Variants in ITIH5 observed in about 807,000 individuals in gnomAD.
ITIH5 encodes the protein inter-alpha-trypsin inhibitor heavy chain 5.
Under a neutral mutation model 77.5 loss-of-function variants are expected in ITIH5, and 65 were observed. The ratio of observed to expected loss-of-function variants is 0.84; its 90% CI spans 0.69 to 1.03. The LOEUF is 1.03. Among genes scored for constraint, ITIH5 ranks in the 50% least tolerant of loss-of-function variants. The pLI is 0.00. For missense variants in ITIH5, 1,208 were observed against 1,213.1 expected (o/e 1.00, Z 0.06); for synonymous variants, 525 against 494.3 (o/e 1.06, Z -0.82).
chr10:7,606,779 T>G (rs1833134296), intron 7 of ITIH5, among the ~76,000 whole-genome samples: 1 of 152,196 alleles, frequency 6.6e-6, no homozygotes, highest in African/African-American at 2.4e-5. Flanking sequence ...TCATTTTACC[T>G]CTAAGATATA....
At chr10:7,602,397 C>T (rs1405188089) in intron 7 of ITIH5, among the ~76,000 whole-genome samples, 1 of 152,210 alleles carries the variant, frequency 6.6e-6, no homozygotes, top group Non-Finnish European at 1.5e-5. Flanking sequence ...TTTTAATCCC[C>T]ATAATCCCTA....
In ITIH5 at chr10:7,666,819, C is replaced by G; in HGVS notation, c.74G>C (p.Gly25Ala). The G allele has an allele frequency of 3.1e-6, 5 of 1,608,444 alleles. No individual in the cohort carries two copies. Among genetic ancestry groups the G allele is most frequent in the Non-Finnish European group, 4.2e-6 (5 of 1,177,996 alleles). The change falls in exon 1 of 14, where the codon GGC (glycine) becomes GCC (alanine). Residue 25 changes from glycine to alanine, a missense_variant. Coordinates refer to ENST00000397146, the MANE Select transcript of ITIH5 (RefSeq NM_030569.7). ...VGSQEEAQSW[G>A]HSSEQDGLRV... ...TCCACTTACCTGCTCCGAAGAGTGGCCCCAGCTCTGCGCCTCTTCCTGCGA... is the reference window on the plus strand; with the variant it reads ...TCCACTTACCTGCTCCGAAGAGTGGGCCCAGCTCTGCGCCTCTTCCTGCGA...
intron 9 of ITIH5, 87 bp from the exon 10 acceptor site, chr10:7,577,099 AG>A (rs1264138624): frequency 7.0e-6 from 8 of 1,135,580 alleles, no homozygotes; most frequent in East Asian, 2.4e-5. Flanking sequence ...GCAGACTCTC[AG>A]GGGGATGCAT....
chr10:7,638,666 CAAGA>C (rs1221253849), intron 4 of ITIH5, among the ~76,000 whole-genome samples: 1 of 151,880 alleles, frequency 6.6e-6, no homozygotes, highest in East Asian at 1.9e-4. Flanking sequence ...AGGTGAAAGC[CAAGA>C]AAGAGGAAAA....
chr10:7,560,524 T>TTAC lies in ITIH5; in HGVS notation c.*2558_*2559insGTA, dbSNP rs988534308. 4 of 152,156 alleles carry TTAC rather than the reference T, an allele frequency of 2.6e-5. No homozygotes were observed. Among genetic ancestry groups the TTAC allele is most frequent in the African/African-American group, 9.7e-5 (4 of 41,416 alleles). The allele number at this position is 152,156 out of a possible 1,614,324, so 9.4% of individuals were successfully genotyped here. ...AACATCCCCTCCCTTTAGCCTGAAGTTGTAAAGCATTAAAAAGTCAAATGG... is the reference window on the plus strand; with the variant it reads ...AACATCCCCTCCCTTTAGCCTGAAGTTACTGTAAAGCATTAAAAAGTCAAATGG... On this transcript the variant is annotated 3_prime_UTR_variant, in exon 14 of 14. Transcript: ENST00000397146.
At chr10:7,658,088 A>G (rs145297872) in intron 1 of ITIH5, among the ~76,000 whole-genome samples, 8 of 152,248 alleles carry the variant, frequency 5.3e-5, no homozygotes, top group South Asian at 4.1e-4. Flanking sequence ...GTAACAAAAC[A>G]CTATATGTAA....
chr10:7,573,057 C>T lies in ITIH5; in HGVS notation c.2032+85G>A, dbSNP rs1309653086. 1.4e-5 allele frequency: 18 copies of T among 1,281,912 alleles called. No individual in the cohort carries two copies. In the East Asian group the frequency reaches 3.0e-4, roughly 22 times the overall value. 79.4% of individuals were successfully genotyped at this position (1,281,912 alleles called of 1,614,324 possible). ...CCTCCCAAAGTGCTGGGATTACAGG[C>T]GTGAGCCAGTACACCTGGCCTGGTT... On this transcript the variant is annotated intron_variant, in intron 11 of 13. Transcript: ENST00000397146.
chr10:7,586,155 G>C (rs1161084994), intron 7 of ITIH5, 86 bp from the exon 8 acceptor site: 2 of 1,230,348 alleles, frequency 1.6e-6, no homozygotes, highest in Non-Finnish European at 1.1e-6. Context: ...CCGCCCCCCA[G>C]GAAAAATGTC....
intron 8 of ITIH5, among the ~76,000 whole-genome samples, chr10:7,581,303 T>C (rs570423287): frequency 1.3e-5 from 2 of 151,736 alleles, no homozygotes; most frequent in South Asian, 4.2e-4. Flanking sequence ...ATAAATAAAA[T>C]AAAGTTGGGG....
At chr10:7,665,795 T>C (rs1032235678) in intron 1 of ITIH5, among the ~76,000 whole-genome samples, 2 of 152,208 alleles carry the variant, frequency 1.3e-5, no homozygotes, top group Non-Finnish European at 2.9e-5. Context: ...AGCCTGCACT[T>C]TTCCAACATC....
chr10:7,587,895 C>T (rs957977496), intron 7 of ITIH5, among the ~76,000 whole-genome samples: 1 of 152,150 alleles, frequency 6.6e-6, no homozygotes, highest in Non-Finnish European at 1.5e-5. Context: ...CAGATGGCCC[C>T]GTCGGCCCCT....
chr10:7,587,711 T>C (rs1832710460), intron 7 of ITIH5, among the ~76,000 whole-genome samples: 1 of 152,236 alleles, frequency 6.6e-6, no homozygotes, highest in Non-Finnish European at 1.5e-5. Flanking sequence ...ATGGGTTTGC[T>C]GTTACTTGCT....
At chr10:7,622,883 CATGTTT>C (rs1286787471) in intron 5 of ITIH5, among the ~76,000 whole-genome samples, 1 of 152,158 alleles carries the variant, frequency 6.6e-6, no homozygotes, top group African/African-American at 2.4e-5. Flanking sequence ...AGTTAAGAAC[CATGTTT>C]ATAAGTGCCA....
chr10:7,627,121 AG>A (rs139184668), intron 5 of ITIH5, among the ~76,000 whole-genome samples: 19,669 of 152,080 alleles, frequency 0.13, 1,440 homozygotes, highest in Non-Finnish European at 0.14. Flanking sequence ...GAAAAACATC[AG>A]AATAATTTCA....
chr10:7,604,524 C>G (rs1833083495), intron 7 of ITIH5, among the ~76,000 whole-genome samples: 2 of 152,230 alleles, frequency 1.3e-5, no homozygotes, highest in Non-Finnish European at 2.9e-5. Flanking sequence ...TCTTCCTTAC[C>G]AGCAAGATGT....
intron 5 of ITIH5, among the ~76,000 whole-genome samples, chr10:7,623,835 A>T (rs530397875): frequency 1.3e-5 from 2 of 151,868 alleles, no homozygotes; most frequent in South Asian, 4.2e-4. Context: ...TACCTTCATA[A>T]GTCTCTTACT....
chr10:7,663,807 C>A (rs957879413), intron 1 of ITIH5, among the ~76,000 whole-genome samples: 2 of 152,176 alleles, frequency 1.3e-5, no homozygotes, highest in Admixed American at 6.5e-5. Flanking sequence ...TGAGCCCAGG[C>A]AGTCCGGCAC....
rs188557045 is a variant in ITIH5 at position 7,590,198 on chromosome 10, G to A, written c.940-4129C>T. On this transcript the variant is annotated intron_variant, in intron 7 of 13. Coordinates refer to ENST00000397146, the MANE Select transcript of ITIH5 (RefSeq NM_030569.7). Reference sequence around the variant, plus strand: ...CCCTCTCCTCGCTGCTCTCTGTCCCGGGACAGAGGACACTGCAACCTTCAC... The same window carrying A: ...CCCTCTCCTCGCTGCTCTCTGTCCCAGGACAGAGGACACTGCAACCTTCAC... Among the ~76,000 whole-genome samples the A allele has an allele frequency of 1.2e-4, 19 of 152,062 alleles. No homozygotes were observed. The East Asian group carries it at 2.1e-3, about 17-fold the overall frequency.
At chr10:7,644,775 A>G (rs888531560) in intron 2 of ITIH5, among the ~76,000 whole-genome samples, 1 of 143,086 alleles carries the variant, frequency 7.0e-6, no homozygotes, top group African/African-American at 2.6e-5. Context: ...TATATCATAT[A>G]TATCACATAT....
Sources: gnomAD v4.1 joint callset for allele counts (sites outside exome capture counted in the v4.1 genomes callset) on GRCh38, gnomAD v4.1.1 for gene constraint, MANE v1.5 for transcripts, NCBI Gene and HGNC (gene_info 2026-07-23, HGNC 2026-07-21) for gene names.